The following EFCAB5 variants were observed in gnomAD, a reference collection of about 807,000 sequenced individuals.
EFCAB5 encodes the protein EF-hand calcium-binding domain-containing protein 5.
In EFCAB5, 131 loss-of-function variants were observed where a neutral mutation model predicts 167.9. That is an observed-to-expected ratio of 0.78 (90% confidence interval 0.68 to 0.90). The LOEUF is 0.90. EFCAB5 is among the 40% of genes least tolerant of loss of function. The pLI, the probability that EFCAB5 is intolerant of heterozygous loss-of-function variation, is 0.00. For synonymous variants in EFCAB5, 574 were observed against 602.8 expected (o/e 0.95, Z 0.70); for missense variants, 1,663 against 1,745.2 (o/e 0.95, Z 0.84).
At chr17:30,073,240 A>G (rs1329401313) in intron 14 of EFCAB5, 5 of 662,734 alleles carry the variant, frequency 7.5e-6, no homozygotes, top group Non-Finnish European at 1.4e-5. Context: ...AATTTTTGGT[A>G]TGGATGGGGT....
intron 8 of EFCAB5, among the ~76,000 whole-genome samples, chr17:30,041,626 G>T (rs530214153): frequency 6.6e-6 from 1 of 152,348 alleles, no homozygotes; most frequent in East Asian, 1.9e-4. Flanking sequence ...TGAAAGAATT[G>T]ACTCCAATTT....
chr17:30,030,316 G>T (rs953923467), intron 7 of EFCAB5, among the ~76,000 whole-genome samples: 5 of 152,098 alleles, frequency 3.3e-5, no homozygotes, highest in African/African-American at 1.2e-4. Context: ...AAATCCAGAA[G>T]TGTCTCTCAG....
chr17:30,002,456 G>A (rs1474899339), intron 7 of EFCAB5, among the ~76,000 whole-genome samples: 1 of 152,156 alleles, frequency 6.6e-6, no homozygotes, highest in African/African-American at 2.4e-5. Flanking sequence ...ATGACATTTT[G>A]CCAGTTCAGG....
chr17:30,081,041 A>G lies in EFCAB5; in HGVS notation c.3426+60A>G. 2.2e-6 allele frequency: 3 copies of G among 1,372,132 alleles called. No individual in the cohort carries two copies. The Admixed American group carries it at 5.5e-5, about 25-fold the overall frequency. 85.0% of individuals were successfully genotyped at this position (1,372,132 alleles called of 1,614,324 possible). On this transcript the variant is annotated intron_variant, in intron 17 of 22. Coordinates refer to ENST00000394835, the MANE Select transcript of EFCAB5 (RefSeq NM_198529.4). ...ATGGCCTCTCTTTCTAATACTTTTTAAAGAGTGAAACCTGAAATCCGATGA... is the reference window on the plus strand; with the variant it reads ...ATGGCCTCTCTTTCTAATACTTTTTGAAGAGTGAAACCTGAAATCCGATGA...
chr17:30,052,511 A>G (rs2070131817), intron 9 of EFCAB5, among the ~76,000 whole-genome samples: 2 of 152,174 alleles, frequency 1.3e-5, no homozygotes, highest in East Asian at 3.8e-4. Flanking sequence ...TATTAATTGG[A>G]TACTTACAAA....
intron 22 of EFCAB5, among the ~76,000 whole-genome samples, chr17:30,105,929 T>C (rs2071443722): frequency 6.6e-6 from 1 of 152,218 alleles, no homozygotes; most frequent in Admixed American, 6.5e-5. Context: ...TTACGTGCCA[T>C]TCCTATCCCA....
chr17:30,021,323 CAT>C (rs906178902), intron 7 of EFCAB5, among the ~76,000 whole-genome samples: 5 of 146,996 alleles, frequency 3.4e-5, no homozygotes, highest in East Asian at 3.9e-4. Context: ...ATATATATAA[CAT>C]ATAAATATTT....
chr17:29,954,098 A>T (rs1213586665), intron 3 of EFCAB5, among the ~76,000 whole-genome samples: 3 of 152,176 alleles, frequency 2.0e-5, no homozygotes, highest in Non-Finnish European at 2.9e-5. Flanking sequence ...AAGTTTGAAA[A>T]TTTTGCAGCC....
At position 30,085,911 on chromosome 17, in the gene EFCAB5, C is replaced by T. The variant is rs181817344; in HGVS notation, c.3580-1152C>T. The stretch of plus-strand genomic sequence containing the variant: ...GAGGAAATTTCACATTACAAAACAG[C>T]TGTTCCTCTTCCAAGCACCATTCAA... On this transcript the variant is annotated intron_variant, in intron 18 of 22. Transcript: ENST00000394835. Among the ~76,000 whole-genome samples, 147 of 152,284 alleles carry T rather than the reference C, an allele frequency of 9.7e-4. 2 individuals carry two copies. In the Middle Eastern group the frequency reaches 0.01, roughly 11 times the overall value.
At chr17:29,940,767 C>T (rs1281974594), upstream of EFCAB5, among the ~76,000 whole-genome samples, 2 of 152,118 alleles carry the variant, frequency 1.3e-5, no homozygotes, top group Non-Finnish European at 2.9e-5. Context: ...TGGCCGGGTG[C>T]GGTGCCTCAC....
intron 7 of EFCAB5, among the ~76,000 whole-genome samples, chr17:30,020,067 T>A (rs548453088): frequency 6.6e-6 from 1 of 152,326 alleles, no homozygotes; most frequent in Admixed American, 6.5e-5. Context: ...CTTAGCATAA[T>A]GTCTTCCAAG....
intron 14 of EFCAB5, among the ~76,000 whole-genome samples, chr17:30,076,471 G>C (rs530895611): frequency 6.6e-6 from 1 of 152,250 alleles, no homozygotes; most frequent in African/African-American, 2.4e-5. Context: ...AAGGTGAGTG[G>C]GTGCTAAGGA....
chr17:29,983,536 A>G (rs144604328), intron 4 of EFCAB5, among the ~76,000 whole-genome samples: 1 of 152,318 alleles, frequency 6.6e-6, no homozygotes, highest in African/African-American at 2.4e-5. Context: ...GGAAGAATTT[A>G]TGACTATTTT....
rs1597731911 is a variant in EFCAB5, at chr17:30,053,911, C to A, written c.1957C>A (p.Gln653Lys). 2 of 1,613,994 alleles carry A rather than the reference C, an allele frequency of 1.2e-6. No homozygotes were observed. The highest frequency in any genetic ancestry group is 4.5e-5 in the East Asian group (2 of 44,886). The change falls in exon 10 of 23, where the codon CAA (glutamine) becomes AAA (lysine). Residue 653 changes from glutamine to lysine, a missense_variant. Coordinates refer to ENST00000394835, the MANE Select transcript of EFCAB5 (RefSeq NM_198529.4). ...AGAAGAACCATACCAAAAATCAGAA[C>A]AAGGACCTTATGGAGAGATAATTTC... Reference protein sequence around the residue: ...VIEEPYQKSEQGPYGEIISEE... With the variant: ...VIEEPYQKSEKGPYGEIISEE...
At chr17:30,034,801 G>A (rs1221999452) in intron 8 of EFCAB5, among the ~76,000 whole-genome samples, 1 of 152,142 alleles carries the variant, frequency 6.6e-6, no homozygotes, top group Non-Finnish European at 1.5e-5. Flanking sequence ...GAGCTTCCTA[G>A]CAGTGAATGT....
At chr17:30,027,423 A>G (rs1597692352) in intron 7 of EFCAB5, among the ~76,000 whole-genome samples, 1 of 147,900 alleles carries the variant, frequency 6.8e-6, no homozygotes, top group East Asian at 2.0e-4. Context: ...AACTCTCTTT[A>G]TACTTTATTA....
rs546564554 is a variant in EFCAB5, at chr17:29,949,967, A to G, written c.190+6318A>G. On this transcript the variant is annotated intron_variant, in intron 3 of 22. Transcript: ENST00000394835. ...CTAATGAGCCATGACAGATGGGTAG[A>G]TATTAAGTTGCCATATATCCTTAAT... Among the ~76,000 whole-genome samples the G allele has an allele frequency of 6.4e-4, 98 of 152,334 alleles. 1 individual carries two copies. Among genetic ancestry groups the G allele is most frequent in the Admixed American group, 1.6e-3 (25 of 15,296 alleles).
chr17:30,093,890 C>T (rs1457914511), intron 22 of EFCAB5, among the ~76,000 whole-genome samples: 2 of 152,156 alleles, frequency 1.3e-5, no homozygotes, highest in African/African-American at 4.8e-5. Flanking sequence ...AAGCTTCCAG[C>T]TTAGGGGAAG....
intron 8 of EFCAB5, among the ~76,000 whole-genome samples, chr17:30,044,838 A>G (rs1210344228): frequency 6.6e-6 from 1 of 152,208 alleles, no homozygotes; most frequent in African/African-American, 2.4e-5. Flanking sequence ...ATTAAAACTA[A>G]AAGACTTATA....
Sources: allele counts gnomAD v4.1 joint callset (sites outside exome capture counted in the v4.1 genomes callset), GRCh38; gene constraint gnomAD v4.1.1; transcripts MANE v1.5; gene names NCBI Gene and HGNC (gene_info 2026-07-23, HGNC 2026-07-21).